The following MSRB3 variants were observed in gnomAD, a reference collection of about 807,000 sequenced individuals.
The protein encoded by MSRB3 is methionine sulfoxide reductase B3, also known as methionine-R-sulfoxide reductase B3.
In MSRB3, 13 loss-of-function variants were observed where a neutral mutation model predicts 21.0. That is an observed-to-expected ratio of 0.62 (90% CI 0.40 to 0.98). The LOEUF is 0.98. Among genes scored for constraint, MSRB3 ranks in the 50% least tolerant of loss-of-function variants. The probability of loss-of-function intolerance (pLI) is 0.00; values close to 1 mark genes in which losing one functional copy is unlikely to be tolerated. For missense variants in MSRB3, 199 were observed against 230.3 expected, an observed-to-expected ratio of 0.86 and a Z score of 0.88; for synonymous variants, 87 against 88.6, an observed-to-expected ratio of 0.98 and a Z score of 0.10.
chr12:65,386,597 T>C (rs1479264375), intron 5 of MSRB3, among the ~76,000 whole-genome samples: 1 of 151,988 alleles, frequency 6.6e-6, no homozygotes. Context: ...TATCCAGTAT[T>C]GAGAAGGAAC....
intron 4 of MSRB3, among the ~76,000 whole-genome samples, chr12:65,330,985 G>A (rs574626815): frequency 9.5e-4 from 144 of 152,232 alleles, no homozygotes; most frequent in African/African-American, 3.3e-3. Flanking sequence ...GAATACATCC[G>A]ATTTGGTTGA....
intron 5 of MSRB3, among the ~76,000 whole-genome samples, chr12:65,377,233 AT>A (rs1167183571): frequency 6.6e-6 from 1 of 152,104 alleles, no homozygotes; most frequent in African/African-American, 2.4e-5. Flanking sequence ...AAGTCTGTGA[AT>A]TTCTTAAAGG....
chr12:65,315,622 C>A (rs917935544), intron 2 of MSRB3, among the ~76,000 whole-genome samples: 1 of 135,560 alleles, frequency 7.4e-6, no homozygotes, highest in Non-Finnish European at 1.5e-5. Context: ...GAGCCGGGAT[C>A]GTATGATTGC....
chr12:65,346,662 T>G lies in MSRB3; in HGVS notation c.263+18059T>G, dbSNP rs550652185. ...GTTTTAGACACGAAGTCCTTGCCCA[T>G]GCCTATGTCCTGAATGGTATTGCCT... On this transcript the variant is annotated intron_variant, in intron 4 of 6. Coordinates refer to ENST00000308259, the MANE Select transcript of MSRB3 (RefSeq NM_001031679.3). 3.3e-5 allele frequency among the ~76,000 whole-genome samples: 5 copies of G among 152,304 alleles called. No individual in the cohort carries two copies. In the South Asian group the frequency reaches 1.0e-3, roughly 32 times the overall value.
At chr12:65,357,915 T>C (rs73320404) in intron 4 of MSRB3, among the ~76,000 whole-genome samples, 2 of 151,924 alleles carry the variant, frequency 1.3e-5, no homozygotes, top group African/African-American at 4.8e-5. Context: ...GTTTGTTAGG[T>C]TTCTTCACTG....
At chr12:65,333,938 C>T (rs1207655858) in intron 4 of MSRB3, among the ~76,000 whole-genome samples, 2 of 152,114 alleles carry the variant, frequency 1.3e-5, no homozygotes, top group South Asian at 2.1e-4. Context: ...GAGGTAATAG[C>T]GTGATGAAAA....
intron 4 of MSRB3, among the ~76,000 whole-genome samples, chr12:65,332,034 T>A (rs879480767): frequency 1.3e-5 from 2 of 152,184 alleles, no homozygotes; most frequent in African/African-American, 2.4e-5. Context: ...AAGTTAGACC[T>A]CATGCTGGCT....
rs755451009 is a variant in MSRB3 at position 65,278,882 on chromosome 12, C to T, written c.-52+17C>T. The T allele has an allele frequency of 1.9e-6, 3 of 1,550,970 alleles. No individual in the cohort carries two copies. Among genetic ancestry groups the T allele is most frequent in the East Asian group, 4.9e-5 (2 of 40,948 alleles). ...CGCAGTCCGGTAAGTTCGGGCTCCC[C>T]TCCCCTCTCCTCCTCGCCTCACCCC... On this transcript the variant is annotated intron_variant, in intron 1 of 6. Coordinates refer to ENST00000308259, the MANE Select transcript of MSRB3 (RefSeq NM_001031679.3).
At chr12:65,335,203 A>G (rs1875683598) in intron 4 of MSRB3, among the ~76,000 whole-genome samples, 1 of 152,232 alleles carries the variant, frequency 6.6e-6, no homozygotes, top group African/African-American at 2.4e-5. Flanking sequence ...AATGTTAAAT[A>G]CAAGTGGCCT....
At chr12:65,325,691 G>A (rs1230038379) in intron 2 of MSRB3, among the ~76,000 whole-genome samples, 2 of 152,096 alleles carry the variant, frequency 1.3e-5, no homozygotes, top group Non-Finnish European at 2.9e-5. Flanking sequence ...AAAAGAAGTT[G>A]CGTTTAGTAT....
chr12:65,428,458 G>T (rs914998008), intron 5 of MSRB3, among the ~76,000 whole-genome samples: 1 of 152,066 alleles, frequency 6.6e-6, no homozygotes, highest in Non-Finnish European at 1.5e-5. Context: ...TGCCATTGTG[G>T]TTACATCCCT....
At chr12:65,384,595 A>G (rs1232465383) in intron 5 of MSRB3, among the ~76,000 whole-genome samples, 3 of 152,168 alleles carry the variant, frequency 2.0e-5, no homozygotes, top group Non-Finnish European at 4.4e-5. Context: ...CAACTAGTAA[A>G]ATATTATAGG....
intron 1 of MSRB3, among the ~76,000 whole-genome samples, chr12:65,304,807 A>G (rs1194765753): frequency 6.6e-6 from 1 of 152,178 alleles, no homozygotes. Flanking sequence ...CCGAATTGAA[A>G]CTTCAATTTA....
intron 1 of MSRB3, among the ~76,000 whole-genome samples, chr12:65,287,172 A>G (rs1278163368): frequency 7.4e-6 from 1 of 135,450 alleles, no homozygotes; most frequent in East Asian, 2.2e-4. Context: ...CTGGAGTGCC[A>G]TGGCAGGATC....
At chr12:65,324,604 C>T (rs1172581868) in intron 2 of MSRB3, among the ~76,000 whole-genome samples, 1 of 152,114 alleles carries the variant, frequency 6.6e-6, no homozygotes, top group African/African-American at 2.4e-5. Context: ...TTCATCAATA[C>T]TGACCAACGG....
intron 1 of MSRB3, among the ~76,000 whole-genome samples, chr12:65,293,728 C>A (rs1592495513): frequency 6.6e-6 from 1 of 152,176 alleles, no homozygotes; most frequent in Non-Finnish European, 1.5e-5. Context: ...TTCACTAAGA[C>A]GTAAGCTTCA....
chr12:65,282,547 A>G (rs1872093213), intron 1 of MSRB3, among the ~76,000 whole-genome samples: 1 of 152,212 alleles, frequency 6.6e-6, no homozygotes, highest in Admixed American at 6.5e-5. Context: ...AAAAGGAAGA[A>G]AGGAATTTGT....
intron 5 of MSRB3, among the ~76,000 whole-genome samples, chr12:65,427,882 T>TA (rs1352300487): frequency 5.9e-5 from 9 of 152,228 alleles, no homozygotes; most frequent in Admixed American, 2.6e-4. Flanking sequence ...GGTTCTGGAG[T>TA]ACAAATTAGC....
intron 4 of MSRB3, among the ~76,000 whole-genome samples, chr12:65,348,196 C>T (rs1876661539): frequency 6.6e-6 from 1 of 152,164 alleles, no homozygotes; most frequent in African/African-American, 2.4e-5. Flanking sequence ...TAGAATTCGA[C>T]TGTGAATCCC....
Sources: allele counts gnomAD v4.1 joint callset (sites outside exome capture counted in the v4.1 genomes callset), GRCh38; gene constraint gnomAD v4.1.1; transcripts MANE v1.5; gene names NCBI Gene and HGNC (gene_info 2026-07-23, HGNC 2026-07-21).